The following SNX24 variants were observed in gnomAD, a reference collection of about 807,000 sequenced individuals.
SNX24 encodes the protein sorting nexin-24.
Under a neutral mutation model 28.7 loss-of-function variants are expected in SNX24, and 22 were observed. That is an observed-to-expected ratio of 0.77 (90% confidence interval 0.55 to 1.10). The LOEUF (loss-of-function observed/expected upper bound fraction) is 1.10. Ranked by LOEUF, SNX24 falls within the 50% of genes least tolerant of loss-of-function variation. The pLI is 0.00. For missense variants in SNX24, 221 were observed against 201.1 expected (o/e 1.10, Z -0.60); for synonymous variants, 69 against 71.5 (o/e 0.96, Z 0.18).
At chr5:122,956,978 A>T (rs1184058206) in intron 3 of SNX24, among the ~76,000 whole-genome samples, 1 of 151,580 alleles carries the variant, frequency 6.6e-6, no homozygotes, top group Non-Finnish European at 1.5e-5. Context: ...CTCCCATTTT[A>T]TATATTGCCT....
chr5:123,003,512 A>G (rs1762319101), intron 6 of SNX24, among the ~76,000 whole-genome samples: 1 of 152,200 alleles, frequency 6.6e-6, no homozygotes, highest in Non-Finnish European at 1.5e-5. Flanking sequence ...CACTTTTTCC[A>G]TGTATTGTTT....
At chr5:123,025,410 T>C (rs1218188118) in intron 5 of SNX24, among the ~76,000 whole-genome samples, 1 of 152,266 alleles carries the variant, frequency 6.6e-6, no homozygotes, top group Non-Finnish European at 1.5e-5. Context: ...GTATTTGTCT[T>C]CCTACGACTG....
rs371782764 is a variant in SNX24, at chr5:122,911,212, A to G, written c.61-25522A>G. ...TGTGGTTTTGATTTGCATTTCTCTG[A>G]TGGCCAGTGATGATGAGCATTTTTT... On this transcript the variant is annotated intron_variant, in intron 1 of 6. Transcript: ENST00000261369. Among the ~76,000 whole-genome samples the G allele has an allele frequency of 4.1e-4, 62 of 152,302 alleles. No homozygotes were observed. In the East Asian group the frequency reaches 0.011, roughly 26 times the overall value.
intron 3 of SNX24, among the ~76,000 whole-genome samples, chr5:122,998,889 G>C (rs116794907): frequency 6.6e-6 from 1 of 152,158 alleles, no homozygotes; most frequent in Admixed American, 6.5e-5. Flanking sequence ...AGTTGTGTGA[G>C]TGATATTTCA....
intron 3 of SNX24, among the ~76,000 whole-genome samples, chr5:122,960,661 A>G (rs1186102945): frequency 6.6e-6 from 1 of 152,180 alleles, no homozygotes; most frequent in African/African-American, 2.4e-5. Flanking sequence ...CTTCATGAGA[A>G]TTGTAGAGAA....
intron 1 of SNX24, among the ~76,000 whole-genome samples, chr5:122,857,827 G>C (rs1466946209): frequency 6.6e-6 from 1 of 152,098 alleles, no homozygotes; most frequent in Non-Finnish European, 1.5e-5. Context: ...CTGTCACCCA[G>C]GCTGGAGTGC....
intron 1 of SNX24, among the ~76,000 whole-genome samples, chr5:122,927,280 G>T (rs1758742268): frequency 1.3e-5 from 2 of 152,196 alleles, no homozygotes; most frequent in African/African-American, 4.8e-5. Flanking sequence ...CAAGGAGTTT[G>T]ATTCAAGAAC....
At chr5:123,026,012 G>T (rs753433436) in intron 5 of SNX24, 1 of 1,519,222 alleles carries the variant, frequency 6.6e-7, no homozygotes, top group East Asian at 2.3e-5. Context: ...TCTTCCAAAA[G>T]TCAGCTCTTC....
intron 1 of SNX24, among the ~76,000 whole-genome samples, chr5:122,889,905 TC>T (rs1756891376): frequency 6.6e-6 from 1 of 151,214 alleles, no homozygotes; most frequent in African/African-American, 2.4e-5. Flanking sequence ...CCCAATAATG[TC>T]CTTGTTAGTA....
chr5:123,014,460 T>A (rs1762647469), intron 5 of SNX24, among the ~76,000 whole-genome samples: 1 of 150,510 alleles, frequency 6.6e-6, no homozygotes, highest in African/African-American at 2.5e-5. Context: ...GGGATTATAG[T>A]TGTGCGGCCT....
At chr5:122,980,710 C>T (rs1056000897) in intron 3 of SNX24, among the ~76,000 whole-genome samples, 5 of 150,228 alleles carry the variant, frequency 3.3e-5, no homozygotes, top group Middle Eastern at 3.4e-3. Context: ...TACTCTGTGC[C>T]CCTTCCAGTA....
chr5:122,867,814 C>T (rs779810046), intron 1 of SNX24, among the ~76,000 whole-genome samples: 55 of 152,290 alleles, frequency 3.6e-4, no homozygotes, highest in Middle Eastern at 6.8e-3. Flanking sequence ...GAGAGGTCTT[C>T]CATGTAGGTA....
At chr5:123,028,554 C>A (rs1762896307) in intron 5 of SNX24, 1 of 437,262 alleles carries the variant, frequency 2.3e-6, no homozygotes, top group South Asian at 6.7e-5. Context: ...TACGGAAAGA[C>A]AATAAACACC....
At chr5:122,860,493 T>G (rs1180056465) in intron 1 of SNX24, among the ~76,000 whole-genome samples, 6 of 152,358 alleles carry the variant, frequency 3.9e-5, no homozygotes, top group Non-Finnish European at 5.9e-5. Flanking sequence ...ACTCTATCTT[T>G]TATTCCATTT....
chr5:122,903,236 T>C (rs891150556), intron 1 of SNX24, among the ~76,000 whole-genome samples: 2 of 152,068 alleles, frequency 1.3e-5, no homozygotes, highest in African/African-American at 4.8e-5. Context: ...GCCTCCCTAG[T>C]CACTGGGACT....
At chr5:122,869,830 G>A (rs535084614) in intron 1 of SNX24, among the ~76,000 whole-genome samples, 28 of 151,838 alleles carry the variant, frequency 1.8e-4, no homozygotes, top group Middle Eastern at 3.5e-3. Flanking sequence ...GAAAAAAGCA[G>A]TAATGGACTA....
At chr5:123,004,333 T>A (rs1373704774) in intron 6 of SNX24, among the ~76,000 whole-genome samples, 1 of 152,230 alleles carries the variant, frequency 6.6e-6, no homozygotes, top group Non-Finnish European at 1.5e-5. Context: ...AAGTCCCCAG[T>A]GATTTCAGTG....
At chr5:122,887,918 G>A (rs1756786774) in intron 1 of SNX24, among the ~76,000 whole-genome samples, 1 of 152,128 alleles carries the variant, frequency 6.6e-6, no homozygotes, top group Non-Finnish European at 1.5e-5. Context: ...GGTCAGGCTG[G>A]TCCGAATTCC....
intron 1 of SNX24, among the ~76,000 whole-genome samples, chr5:122,914,622 T>C (rs1379877045): frequency 2.7e-5 from 4 of 150,806 alleles, no homozygotes; most frequent in African/African-American, 7.3e-5. Context: ...GGTTTAGTCT[T>C]GGGAGAGTGT....
Sources: gnomAD v4.1 joint callset for allele counts (sites outside exome capture counted in the v4.1 genomes callset) on GRCh38, gnomAD v4.1.1 for gene constraint, MANE v1.5 for transcripts, NCBI Gene and HGNC (gene_info 2026-07-23, HGNC 2026-07-21) for gene names.